CSMD1: variants seen among roughly 807,000 people sequenced by gnomAD.
The protein encoded by CSMD1 is CUB and sushi domain-containing protein 1.
In CSMD1, 213 loss-of-function variants were observed where a neutral mutation model predicts 417.5. The observed-to-expected ratio is 0.51, with a 90% CI of 0.46 to 0.57. The LOEUF (loss-of-function observed/expected upper bound fraction) is 0.57, where lower values mean the gene tolerates loss of function less well. Among genes scored for constraint, CSMD1 ranks in the 20% least tolerant of loss-of-function variants. The probability of loss-of-function intolerance (pLI) is 0.00; values close to 1 mark genes in which losing one functional copy is unlikely to be tolerated. For missense variants in CSMD1, 6,923 were observed against 4,529.7 expected (o/e 1.53, Z -15.17); for synonymous variants, 2,862 against 1,736.8 (o/e 1.65, Z -16.11).
intron 10 of CSMD1, among the ~76,000 whole-genome samples, chr8:3,558,561 G>A (rs1307985064): frequency 2.3e-5 from 2 of 87,686 alleles, no homozygotes; most frequent in East Asian, 4.4e-4. Context: ...GGTACCCCGT[G>A]TCCACTCCTG....
At chr8:3,802,338 A>G (rs1342993041) in intron 5 of CSMD1, among the ~76,000 whole-genome samples, 2 of 152,158 alleles carry the variant, frequency 1.3e-5, no homozygotes, top group African/African-American at 4.8e-5. Context: ...CTATTATGTT[A>G]TACATCTGTA....
At chr8:3,798,849 C>A (rs565485952) in intron 5 of CSMD1, among the ~76,000 whole-genome samples, 2 of 151,966 alleles carry the variant, frequency 1.3e-5, no homozygotes, top group African/African-American at 4.8e-5. Context: ...TATTTTCCTA[C>A]TCTTTCCTAT....
At chr8:3,855,312 T>A (rs960999990) in intron 5 of CSMD1, among the ~76,000 whole-genome samples, 1 of 152,116 alleles carries the variant, frequency 6.6e-6, no homozygotes, top group Non-Finnish European at 1.5e-5. Flanking sequence ...GCATTAAAAA[T>A]TATCTATATT....
At chr8:4,919,288 G>A (rs1423109643) in intron 1 of CSMD1, among the ~76,000 whole-genome samples, 1 of 152,158 alleles carries the variant, frequency 6.6e-6, no homozygotes, top group Non-Finnish European at 1.5e-5. Flanking sequence ...GTCAATTAGA[G>A]TATATTTAGA....
chr8:3,046,676 A>G (rs557610149), intron 50 of CSMD1, among the ~76,000 whole-genome samples: 1 of 152,180 alleles, frequency 6.6e-6, no homozygotes, highest in East Asian at 1.9e-4. Context: ...TGATGCCCAA[A>G]GCACCGGTGT....
At chr8:4,336,429 G>A (rs1282184593) in intron 3 of CSMD1, among the ~76,000 whole-genome samples, 5 of 152,070 alleles carry the variant, frequency 3.3e-5, no homozygotes, top group East Asian at 1.9e-4. Context: ...TAAGGCCCCC[G>A]GTCAGTTAAT....
intron 1 of CSMD1, among the ~76,000 whole-genome samples, chr8:4,728,075 T>C (rs946358251): frequency 1.9e-4 from 28 of 146,982 alleles, no homozygotes; most frequent in African/African-American, 5.2e-4. Flanking sequence ...AGAATGTATA[T>C]GTTTGTAGGT....
At chr8:3,766,717 T>C (rs887714518) in intron 5 of CSMD1, among the ~76,000 whole-genome samples, 1 of 151,990 alleles carries the variant, frequency 6.6e-6, no homozygotes, top group Admixed American at 6.6e-5. Flanking sequence ...TCACTGACAA[T>C]TTTCTCTTGA....
At chr8:3,246,094 A>G (rs962965724) in intron 26 of CSMD1, among the ~76,000 whole-genome samples, 6 of 152,028 alleles carry the variant, frequency 3.9e-5, no homozygotes, top group Non-Finnish European at 5.9e-5. Context: ...TGCATCTAGG[A>G]AGATCTGCTA....
At chr8:4,755,339 G>T (rs888903076) in intron 1 of CSMD1, among the ~76,000 whole-genome samples, 3 of 151,986 alleles carry the variant, frequency 2.0e-5, no homozygotes, top group South Asian at 2.1e-4. Flanking sequence ...TTCCTTTTGG[G>T]ATATTATCTT....
chr8:4,462,227 A>T (rs1009307071), intron 2 of CSMD1, among the ~76,000 whole-genome samples: 8 of 152,188 alleles, frequency 5.3e-5, no homozygotes, highest in African/African-American at 9.6e-5. Context: ...CATGAAATTT[A>T]AAAAGAAAAC....
chr8:3,906,560 A>T (rs927706641), intron 5 of CSMD1, among the ~76,000 whole-genome samples: 1 of 152,074 alleles, frequency 6.6e-6, no homozygotes, highest in Non-Finnish European at 1.5e-5. Flanking sequence ...GCAGAAATAT[A>T]AGCTGTACCA....
chr8:4,932,293 A>G (rs1807299580), intron 1 of CSMD1, among the ~76,000 whole-genome samples: 1 of 151,882 alleles, frequency 6.6e-6, no homozygotes, highest in Non-Finnish European at 1.5e-5. Flanking sequence ...ATTGTCTTAA[A>G]AAGTAACATT....
At chr8:4,460,554 A>C (rs966750998) in intron 2 of CSMD1, among the ~76,000 whole-genome samples, 1 of 152,166 alleles carries the variant, frequency 6.6e-6, no homozygotes, top group East Asian at 1.9e-4. Context: ...TACAAAATTA[A>C]GAATCTTTTG....
At chr8:4,413,585 GCTT>G (rs1236670157) in intron 3 of CSMD1, among the ~76,000 whole-genome samples, 1 of 151,778 alleles carries the variant, frequency 6.6e-6, no homozygotes, top group African/African-American at 2.4e-5. Flanking sequence ...TAGCAAGAAC[GCTT>G]ATTATGAGAT....
chr8:3,803,078 G>C (rs943229935), intron 5 of CSMD1, among the ~76,000 whole-genome samples: 5 of 152,166 alleles, frequency 3.3e-5, no homozygotes, highest in African/African-American at 1.2e-4. Context: ...CAGCCTTTTG[G>C]TCTATCTCTA....
chr8:3,999,555 C>T (rs1815494276), intron 4 of CSMD1, among the ~76,000 whole-genome samples: 1 of 152,132 alleles, frequency 6.6e-6, no homozygotes, highest in Admixed American at 6.5e-5. Flanking sequence ...AATTAGCTGC[C>T]TTCAGTTTAC....
intron 6 of CSMD1, among the ~76,000 whole-genome samples, chr8:3,716,626 G>T (rs982566799): frequency 1.3e-5 from 2 of 152,100 alleles, no homozygotes; most frequent in Admixed American, 6.5e-5. Context: ...GGACTTTATG[G>T]CCTGTGTCTT....
rs764239069 is a variant in CSMD1, at chr8:3,219,365, T to A, written c.4562A>T (p.Tyr1521Phe). Residue 1521 changes from tyrosine (Y) to phenylalanine (F), a missense_variant, in exon 29 of 70, where the codon TAC (tyrosine) becomes TTC (phenylalanine). Transcript: ENST00000635120. Reference protein sequence around the residue: ...EDSNSPLIGSYQGSQAPERIE... With the variant: ...EDSNSPLIGSFQGSQAPERIE... ...TCTTTCTGGGGCCTGAGAGCCCTGG[T>A]AACTCCCAATGAGGGGGCTGTTGGA... 2 of 1,572,320 alleles carry A rather than the reference T, an allele frequency of 1.3e-6. No homozygotes were observed. Among genetic ancestry groups the A allele is most frequent in the Middle Eastern group, 1.8e-4 (1 of 5,526 alleles).
Sources: gnomAD v4.1 joint callset for allele counts (sites outside exome capture counted in the v4.1 genomes callset) on GRCh38, gnomAD v4.1.1 for gene constraint, MANE v1.5 for transcripts, NCBI Gene and HGNC (gene_info 2026-07-23, HGNC 2026-07-21) for gene names.